The following FTO variants were observed in gnomAD, a reference collection of about 807,000 sequenced individuals.
FTO encodes alpha-ketoglutarate-dependent dioxygenase FTO.
FTO carries 47 observed loss-of-function variants against 63.9 expected under a neutral mutation model. That is an observed-to-expected ratio of 0.74 (90% CI 0.58 to 0.94). The LOEUF (loss-of-function observed/expected upper bound fraction) is 0.94, where lower values mean the gene tolerates loss of function less well. Among genes scored for constraint, FTO ranks in the 40% least tolerant of loss-of-function variants. The pLI, the probability that FTO is intolerant of heterozygous loss-of-function variation, is 0.00. For missense variants in FTO, 562 were observed against 618.1 expected, an observed-to-expected ratio of 0.91 and a Z score of 0.96; for synonymous variants, 207 against 224.4, an observed-to-expected ratio of 0.92 and a Z score of 0.69.
intron 4 of FTO, among the ~76,000 whole-genome samples, chr16:53,852,077 A>G: frequency 7.0e-6 from 1 of 142,822 alleles, no homozygotes; most frequent in African/African-American, 2.7e-5. Flanking sequence ...GCAACATGGC[A>G]AAACTCTGTC....
chr16:54,028,009 TGGG>T (rs1429727469), intron 8 of FTO, among the ~76,000 whole-genome samples: 1 of 152,082 alleles, frequency 6.6e-6, no homozygotes, highest in Non-Finnish European at 1.5e-5. Flanking sequence ...TTTTTTGTTT[TGGG>T]GGGCTTTTTT....
chr16:53,990,179 C>T (rs552739548), intron 8 of FTO, among the ~76,000 whole-genome samples: 17 of 152,164 alleles, frequency 1.1e-4, no homozygotes, highest in African/African-American at 3.1e-4. Flanking sequence ...TCAAAGGTCA[C>T]GTATAGTGAC....
chr16:53,965,410 T>C (rs2083176856), intron 8 of FTO, among the ~76,000 whole-genome samples: 1 of 152,138 alleles, frequency 6.6e-6, no homozygotes, highest in Non-Finnish European at 1.5e-5. Flanking sequence ...TGACATCAAA[T>C]TCTTTTTGGG....
intron 1 of FTO, among the ~76,000 whole-genome samples, chr16:53,719,083 C>T (rs1388794476): frequency 6.6e-6 from 1 of 152,020 alleles, no homozygotes; most frequent in African/African-American, 2.4e-5. Context: ...TGAGAAACTC[C>T]TTTTTGTGCT....
chr16:53,770,911 CGTT>C (rs2077318672), intron 1 of FTO, among the ~76,000 whole-genome samples: 1 of 152,054 alleles, frequency 6.6e-6, no homozygotes, highest in African/African-American at 2.4e-5. Flanking sequence ...GTTTGCGAGA[CGTT>C]GTTTGAAAAA....
In FTO at chr16:54,109,114, G is replaced by T. The variant is rs562229444; in HGVS notation, c.1365-2648G>T. Among the ~76,000 whole-genome samples, 15 of 152,288 alleles carry T rather than the reference G, an allele frequency of 9.8e-5. No homozygotes were observed. In the South Asian group the frequency reaches 2.1e-3, roughly 21 times the overall value. ...CATCACCTCCAATAACGAGCGCTCT[G>T]CTGGCCCCTATTACTATCATTTGGA... On this transcript the variant is annotated intron_variant, in intron 8 of 8. Coordinates refer to ENST00000471389, the MANE Select transcript of FTO (RefSeq NM_001080432.3).
intron 8 of FTO, among the ~76,000 whole-genome samples, chr16:54,090,984 A>T (rs708251): frequency 0.56 from 85,002 of 151,968 alleles, 25,318 homozygotes; most frequent in African/African-American, 0.78. Context: ...GGCTCAAGAC[A>T]CCTAAGAATA....
At chr16:54,060,897 A>AT (rs1424095653) in intron 8 of FTO, among the ~76,000 whole-genome samples, 6 of 152,184 alleles carry the variant, frequency 3.9e-5, no homozygotes, top group African/African-American at 1.4e-4. Context: ...TAAATCATCT[A>AT]TAAAAAATAC....
Position 53,765,416 on chromosome 16 carries a change from G to T in FTO, c.46-44724G>T, listed in dbSNP as rs930223175. Among the ~76,000 whole-genome samples the T allele has an allele frequency of 2.0e-5, 3 of 151,976 alleles. No homozygotes were observed. In the East Asian group the frequency reaches 5.8e-4, roughly 30 times the overall value. On this transcript the variant is annotated intron_variant, in intron 1 of 8. Transcript: ENST00000471389. ...CTAAAAATACAAAAATTAGCTGGGG[G>T]TGGTGGCAGGTGCCTGTAATCCCAG...
intron 8 of FTO, among the ~76,000 whole-genome samples, chr16:54,082,309 A>G (rs1189472003): frequency 6.6e-6 from 1 of 152,210 alleles, no homozygotes; most frequent in African/African-American, 2.4e-5. Flanking sequence ...TTGCTCCAGA[A>G]GCTGAGAACT....
chr16:54,001,883 T>G (rs1220237219), intron 8 of FTO, among the ~76,000 whole-genome samples: 1 of 152,158 alleles, frequency 6.6e-6, no homozygotes, highest in African/African-American at 2.4e-5. Context: ...GATCAACAGA[T>G]TGTACTCTCA....
chr16:54,004,297 G>T (rs902919055), intron 8 of FTO, among the ~76,000 whole-genome samples: 7 of 152,036 alleles, frequency 4.6e-5, no homozygotes, highest in Non-Finnish European at 8.8e-5. Context: ...GAGGCGGAGG[G>T]GGGAGGATCA....
intron 7 of FTO, chr16:53,922,992 CT>C (rs1463318687): frequency 2.6e-5 from 4 of 152,176 alleles, no homozygotes; most frequent in Non-Finnish European, 5.9e-5. Flanking sequence ...CTGCTCCCGT[CT>C]GTGAATCAGC....
At chr16:53,757,252 A>C (rs1359497885) in intron 1 of FTO, among the ~76,000 whole-genome samples, 2 of 152,190 alleles carry the variant, frequency 1.3e-5, no homozygotes, top group Admixed American at 6.5e-5. Context: ...CTACTTTCTT[A>C]GCAATTTTCA....
At chr16:53,952,163 G>A (rs1352029604) in intron 8 of FTO, among the ~76,000 whole-genome samples, 1 of 152,136 alleles carries the variant, frequency 6.6e-6, no homozygotes, top group Admixed American at 6.5e-5. Flanking sequence ...TAGTTAAGGT[G>A]ACTAAGACCC....
chr16:53,864,520 A>G (rs890569052), intron 4 of FTO, among the ~76,000 whole-genome samples: 7 of 152,190 alleles, frequency 4.6e-5, no homozygotes, highest in African/African-American at 1.7e-4. Context: ...ATGAGATTTC[A>G]TGCTACAGTG....
chr16:53,810,616 G>A (rs553660653), intron 2 of FTO, among the ~76,000 whole-genome samples: 71 of 151,982 alleles, frequency 4.7e-4, no homozygotes, highest in Non-Finnish European at 7.8e-4. Context: ...TTGCACTCCC[G>A]GTAAATAACT....
chr16:53,896,929 T>A (rs1272360478), intron 7 of FTO, among the ~76,000 whole-genome samples: 5 of 152,136 alleles, frequency 3.3e-5, no homozygotes, highest in Admixed American at 2.6e-4. Flanking sequence ...CAGAAATGTC[T>A]CTATGGAGAA....
rs1003881745 is a variant in FTO, at chr16:53,904,058, G to T, written c.1239+15107G>T. Among the ~76,000 whole-genome samples the T allele has an allele frequency of 4.6e-5, 7 of 151,382 alleles. 1 individual carries two copies. Among genetic ancestry groups the T allele is most frequent in the Non-Finnish European group, 1.0e-4 (7 of 67,908 alleles). On this transcript the variant is annotated intron_variant, in intron 7 of 8. Transcript: ENST00000471389. The stretch of plus-strand genomic sequence containing the variant: ...ACATATATGTTATCTATATACATGT[G>T]TATATGTATCTATATTTACATATAG...
Sources: gnomAD v4.1 joint callset for allele counts (sites outside exome capture counted in the v4.1 genomes callset) on GRCh38, gnomAD v4.1.1 for gene constraint, MANE v1.5 for transcripts, NCBI Gene and HGNC (gene_info 2026-07-23, HGNC 2026-07-21) for gene names.